The following ROBO2 variants were observed in gnomAD, a reference collection of about 807,000 sequenced individuals.
ROBO2 encodes roundabout homolog 2.
A neutral mutation model predicts 160.8 loss-of-function variants in ROBO2; 53 were observed. That is an observed-to-expected ratio of 0.33 (90% CI 0.26 to 0.41). ROBO2 has a LOEUF of 0.41. Ranked by LOEUF, ROBO2 falls within the 10% of genes least tolerant of loss-of-function variation. ROBO2 has a pLI of 1.00. For missense variants in ROBO2, 1,577 were observed against 1,722.4 expected (o/e 0.92, Z 1.49); for synonymous variants, 664 against 611.7 (o/e 1.09, Z -1.26).
intron 2 of ROBO2, among the ~76,000 whole-genome samples, chr3:76,955,503 G>T (rs928261297): frequency 6.6e-6 from 1 of 152,002 alleles, no homozygotes; most frequent in Admixed American, 6.6e-5. Flanking sequence ...CCACATCCTT[G>T]CCAAAACTTG....
chr3:77,567,113 AC>A (rs1476333810), intron 12 of ROBO2, among the ~76,000 whole-genome samples: 1 of 152,006 alleles, frequency 6.6e-6, no homozygotes, highest in East Asian at 1.9e-4. Context: ...AACTGGAAAA[AC>A]ATTACCTAAG....
At position 76,983,198 on chromosome 3, in the gene ROBO2, C is replaced by T. The variant is rs556972329; in HGVS notation, c.110-114816C>T. On this transcript the variant is annotated intron_variant, in intron 2 of 26. Coordinates refer to the ROBO2 transcript ENST00000487694. ...TACTCAGGAGGCTGAGGCAGGAGAA[C>T]TGCTTGAGCCCGGAAGGTGGGGAGG... Among the ~76,000 whole-genome samples, 16 of 152,146 alleles carry T rather than the reference C, an allele frequency of 1.1e-4. No individual in the cohort carries two copies. The South Asian group carries it at 2.7e-3, about 26-fold the overall frequency.
At chr3:77,272,019 A>G (rs577654651) in intron 2 of ROBO2, among the ~76,000 whole-genome samples, 5 of 152,316 alleles carry the variant, frequency 3.3e-5, no homozygotes, top group Admixed American at 2.0e-4. Context: ...CATTTTGGTT[A>G]GTGACACTGC....
chr3:77,522,260 A>G (rs527290760), intron 5 of ROBO2, among the ~76,000 whole-genome samples: 7 of 151,316 alleles, frequency 4.6e-5, no homozygotes, highest in East Asian at 1.9e-4. Context: ...AATATTCCTT[A>G]TTTAAAAATT....
chr3:76,988,999 C>T (rs1358056708), intron 2 of ROBO2, among the ~76,000 whole-genome samples: 1 of 151,834 alleles, frequency 6.6e-6, no homozygotes, highest in Non-Finnish European at 1.5e-5. Flanking sequence ...GTAGAAGAAA[C>T]ATTTGTCCTG....
chr3:76,677,119 C>T (rs1258880362), intron 2 of ROBO2, among the ~76,000 whole-genome samples: 3 of 151,914 alleles, frequency 2.0e-5, no homozygotes, highest in Non-Finnish European at 4.4e-5. Context: ...CTTTCCAATG[C>T]TTTTATAGGA....
At chr3:77,602,432 A>C (rs2094446924) in exon 20 of ROBO2, 2 of 1,614,168 alleles carry the variant, frequency 1.2e-6, no homozygotes, top group African/African-American at 1.3e-5. Context: ...TCAATTCAGC[A>C]AAAAACAGAT....
chr3:76,460,026 A>T (rs1344557061), intron 2 of ROBO2, among the ~76,000 whole-genome samples: 1 of 152,262 alleles, frequency 6.6e-6, no homozygotes, highest in African/African-American at 2.4e-5. Context: ...TAGAAAAGAT[A>T]TCTTTATTTT....
At chr3:77,432,163 T>C (rs945757603) in intron 2 of ROBO2, among the ~76,000 whole-genome samples, 3 of 152,138 alleles carry the variant, frequency 2.0e-5, no homozygotes, top group African/African-American at 7.2e-5. Flanking sequence ...ATAGTAAGAA[T>C]AAGGACAAAG....
At chr3:77,309,064 GTTT>G (rs60708956) in intron 2 of ROBO2, among the ~76,000 whole-genome samples, 109,362 of 145,762 alleles carry the variant, frequency 0.75, 41,168 homozygotes, top group Middle Eastern at 0.82. Context: ...GCTATTTATT[GTTT>G]TTTTTTTTTT....
chr3:76,410,318 C>T (rs145485107), intron 2 of ROBO2, among the ~76,000 whole-genome samples: 205 of 151,988 alleles, frequency 1.3e-3, no homozygotes, highest in East Asian at 9.7e-3. Flanking sequence ...CACAGCAGGA[C>T]GGACGGTGTA....
chr3:76,836,474 T>TG (rs1374477886), intron 2 of ROBO2, among the ~76,000 whole-genome samples: 46 of 151,276 alleles, frequency 3.0e-4, no homozygotes, highest in African/African-American at 6.5e-4. Flanking sequence ...AAAAAGACTT[T>TG]GGGGGGGCAG....
intron 2 of ROBO2, among the ~76,000 whole-genome samples, chr3:77,390,068 G>A (rs1030928326): frequency 3.9e-5 from 6 of 152,168 alleles, no homozygotes; most frequent in Non-Finnish European, 7.4e-5. Flanking sequence ...CCAAATATCA[G>A]TCTTGGGCCT....
intron 2 of ROBO2, among the ~76,000 whole-genome samples, chr3:76,481,451 G>T (rs184022265): frequency 6.6e-6 from 1 of 152,140 alleles, no homozygotes; most frequent in Non-Finnish European, 1.5e-5. Flanking sequence ...AAGATAATGT[G>T]CATAGTTATA....
chr3:76,586,657 C>T (rs1226639920), intron 2 of ROBO2, among the ~76,000 whole-genome samples: 1 of 152,160 alleles, frequency 6.6e-6, no homozygotes, highest in Admixed American at 6.5e-5. Context: ...ACTCAGTGAT[C>T]ACATGTGGCT....
intron 2 of ROBO2, among the ~76,000 whole-genome samples, chr3:76,385,777 A>C (rs1169610659): frequency 6.6e-6 from 1 of 152,194 alleles, no homozygotes; most frequent in Non-Finnish European, 1.5e-5. Flanking sequence ...CTGTGTAGAA[A>C]GAGTGGCAAA....
At chr3:76,104,780 C>T (rs1169428883) in intron 2 of ROBO2, among the ~76,000 whole-genome samples, 1 of 152,138 alleles carries the variant, frequency 6.6e-6, no homozygotes, top group African/African-American at 2.4e-5. Context: ...TTGTTCATGT[C>T]TACTGATTAG....
chr3:76,865,057 TC>T (rs2071220536), intron 2 of ROBO2, among the ~76,000 whole-genome samples: 1 of 152,072 alleles, frequency 6.6e-6, no homozygotes, highest in Non-Finnish European at 1.5e-5. Context: ...ATTAAAAATG[TC>T]AAGCATCAAG....
intron 2 of ROBO2, among the ~76,000 whole-genome samples, chr3:76,638,238 T>C (rs1282099888): frequency 6.6e-6 from 1 of 152,214 alleles, no homozygotes; most frequent in Non-Finnish European, 1.5e-5. Context: ...GAATCACTGA[T>C]GATTCATGAA....
Sources: allele counts gnomAD v4.1 joint callset (sites outside exome capture counted in the v4.1 genomes callset), GRCh38; gene constraint gnomAD v4.1.1; transcripts MANE v1.5; gene names NCBI Gene and HGNC (gene_info 2026-07-23, HGNC 2026-07-21).